Variants in PPM1L observed in about 807,000 individuals in gnomAD.
PPM1L encodes the protein protein phosphatase, Mg2+/Mn2+ dependent 1L, also known as protein phosphatase 1L.
A neutral mutation model predicts 31.4 loss-of-function variants in PPM1L; 13 were observed. The observed-to-expected ratio is 0.41, with a 90% confidence interval of 0.27 to 0.66. PPM1L has a LOEUF of 0.66. Ranked by LOEUF, PPM1L falls within the 30% of genes least tolerant of loss-of-function variation. The pLI is 0.29. For synonymous variants in PPM1L, 184 were observed against 175.4 expected (o/e 1.05, Z -0.39); for missense variants, 326 against 453.7 (o/e 0.72, Z 2.56).
chr3:160,798,715 A>G (rs138172209), intron 1 of PPM1L, among the ~76,000 whole-genome samples: 9 of 152,344 alleles, frequency 5.9e-5, no homozygotes, highest in Admixed American at 5.2e-4. Context: ...TGCTAACACA[A>G]CATCCATTCT....
chr3:160,946,710 ATT>A, intron 1 of PPM1L, among the ~76,000 whole-genome samples: 1 of 152,100 alleles, frequency 6.6e-6, no homozygotes, highest in Non-Finnish European at 1.5e-5. Context: ...TGGGGAGACC[ATT>A]GGGCTTCTTT....
At chr3:160,913,964 T>C (rs1714065858) in intron 1 of PPM1L, among the ~76,000 whole-genome samples, 1 of 152,232 alleles carries the variant, frequency 6.6e-6, no homozygotes, top group African/African-American at 2.4e-5. Flanking sequence ...GATTGCTAGA[T>C]TGTATGTTAA....
At chr3:161,056,891 G>A (rs758224447) in intron 2 of PPM1L, among the ~76,000 whole-genome samples, 12 of 151,878 alleles carry the variant, frequency 7.9e-5, no homozygotes, top group Admixed American at 2.0e-4. Context: ...GTGAAACCCC[G>A]TCTCTACTAA....
At chr3:160,779,146 A>G (rs1054424837) in intron 1 of PPM1L, among the ~76,000 whole-genome samples, 2 of 150,842 alleles carry the variant, frequency 1.3e-5, no homozygotes, top group South Asian at 2.1e-4. Context: ...AGCAAATGTC[A>G]TTAGACAAAG....
chr3:160,807,704 G>GA (rs111423213), intron 1 of PPM1L, among the ~76,000 whole-genome samples: 3,292 of 151,406 alleles, frequency 0.022, 110 homozygotes, highest in African/African-American at 0.075. Context: ...GGAGTTTCAG[G>GA]AAAAAAAATG....
intron 2 of PPM1L, among the ~76,000 whole-genome samples, chr3:161,038,149 G>T (rs1441371145): frequency 6.7e-6 from 1 of 149,948 alleles, no homozygotes; most frequent in Admixed American, 6.7e-5. Context: ...CAGGAGAATG[G>T]CGTGAACCCG....
intron 2 of PPM1L, among the ~76,000 whole-genome samples, chr3:161,017,900 C>T (rs1365035504): frequency 1.3e-5 from 2 of 152,060 alleles, no homozygotes; most frequent in Non-Finnish European, 2.9e-5. Flanking sequence ...CAATGAAGTA[C>T]CTAAAATTTG....
chr3:160,775,089 TTC>T (rs1307222165), intron 1 of PPM1L, among the ~76,000 whole-genome samples: 3 of 152,238 alleles, frequency 2.0e-5, no homozygotes, highest in African/African-American at 7.2e-5. Flanking sequence ...TTTAGTGGTG[TTC>T]TCTCACAAAA....
chr3:160,892,075 C>G (rs1713169589), intron 1 of PPM1L, among the ~76,000 whole-genome samples: 1 of 152,092 alleles, frequency 6.6e-6, no homozygotes, highest in South Asian at 2.1e-4. Context: ...CAGCAAACCA[C>G]CACGTCACAT....
At chr3:160,812,250 T>A (rs1235564133) in intron 1 of PPM1L, among the ~76,000 whole-genome samples, 1 of 152,208 alleles carries the variant, frequency 6.6e-6, no homozygotes, top group Non-Finnish European at 1.5e-5. Flanking sequence ...CTCTTTTCTT[T>A]CTTAAATATA....
intron 1 of PPM1L, among the ~76,000 whole-genome samples, chr3:160,766,989 A>G (rs1024614503): frequency 6.6e-6 from 1 of 152,238 alleles, no homozygotes; most frequent in Non-Finnish European, 1.5e-5. Context: ...TGTACACCGT[A>G]CAGTGTTACT....
At chr3:160,832,784 A>C (rs1187575773) in intron 1 of PPM1L, among the ~76,000 whole-genome samples, 1 of 152,162 alleles carries the variant, frequency 6.6e-6, no homozygotes, top group Non-Finnish European at 1.5e-5. Context: ...TTTAAGTTCC[A>C]AGATACATGT....
chr3:161,066,110 G>A (rs1719732475), intron 3 of PPM1L, among the ~76,000 whole-genome samples: 1 of 152,172 alleles, frequency 6.6e-6, no homozygotes, highest in Non-Finnish European at 1.5e-5. Flanking sequence ...GACATACCTG[G>A]CTCTCCTATT....
At chr3:160,843,822 A>G (rs1227652034) in intron 1 of PPM1L, among the ~76,000 whole-genome samples, 8 of 152,232 alleles carry the variant, frequency 5.3e-5, no homozygotes, top group African/African-American at 1.9e-4. Context: ...CTATAAAGAC[A>G]CATGCACACG....
At position 161,078,893 on chromosome 3, in the gene PPM1L, A is replaced by C. The variant is rs948341788; in HGVS notation, c.*9736A>C. 4 of 152,256 alleles carry C rather than the reference A, an allele frequency of 2.6e-5. No homozygotes were observed. Among genetic ancestry groups the C allele is most frequent in the Admixed American group, 2.6e-4 (4 of 15,290 alleles). 9.4% of individuals were successfully genotyped at this position (152,256 alleles called of 1,614,324 possible). ...AAGCAAAAATAAACACAAAGTTGTT[A>C]GACTTTAAACATGAGACTGCTGGTA... On this transcript the variant is annotated 3_prime_UTR_variant, in exon 4 of 4. Coordinates refer to ENST00000498165, the MANE Select transcript of PPM1L (RefSeq NM_139245.4).
intron 2 of PPM1L, among the ~76,000 whole-genome samples, chr3:160,992,187 T>G (rs980889997): frequency 2.0e-5 from 3 of 152,166 alleles, no homozygotes; most frequent in Non-Finnish European, 4.4e-5. Context: ...GTAAAGGATA[T>G]GGGTGGGTAA....
intron 1 of PPM1L, among the ~76,000 whole-genome samples, chr3:160,889,737 G>C (rs540634162): frequency 6.6e-6 from 1 of 152,148 alleles, no homozygotes; most frequent in Non-Finnish European, 1.5e-5. Context: ...GATGAACATC[G>C]ATGCAAAAAT....
chr3:160,866,685 A>C (rs561282399), intron 1 of PPM1L, among the ~76,000 whole-genome samples: 2 of 152,324 alleles, frequency 1.3e-5, no homozygotes, highest in African/African-American at 4.8e-5. Flanking sequence ...ATGGTAAACC[A>C]TCTCTCCTAA....
intron 2 of PPM1L, among the ~76,000 whole-genome samples, chr3:160,998,138 A>G (rs147620445): frequency 1.3e-5 from 2 of 152,284 alleles, no homozygotes; most frequent in Admixed American, 1.3e-4. Flanking sequence ...TACTGGAAAA[A>G]TTTCTCTCTT....
Sources: gnomAD v4.1 joint callset for allele counts (sites outside exome capture counted in the v4.1 genomes callset) on GRCh38, gnomAD v4.1.1 for gene constraint, MANE v1.5 for transcripts, NCBI Gene and HGNC (gene_info 2026-07-23, HGNC 2026-07-21) for gene names.